Variants in MEI4 observed in about 807,000 individuals in gnomAD.
The protein encoded by MEI4 is meiotic double-stranded break formation protein 4.
In MEI4, 27 loss-of-function variants were observed where a neutral mutation model predicts 31.4. The ratio of observed to expected loss-of-function variants is 0.86; its 90% CI spans 0.63 to 1.19. MEI4 has a LOEUF of 1.19. Among genes scored for constraint, MEI4 ranks in the 50% most tolerant of loss-of-function variants. MEI4 has a pLI of 0.00. For missense variants in MEI4, 329 were observed against 398.9 expected (o/e 0.82, Z 1.49); for synonymous variants, 122 against 145.4 (o/e 0.84, Z 1.16).
intron 2 of MEI4, among the ~76,000 whole-genome samples, chr6:77,697,632 C>G (rs1230862359): frequency 4.6e-5 from 7 of 152,026 alleles, no homozygotes; most frequent in Non-Finnish European, 1.0e-4. Flanking sequence ...GTCTGAAAGA[C>G]AGTTTGTTAT....
chr6:77,668,358 A>G (rs1373213782), intron 1 of MEI4, among the ~76,000 whole-genome samples: 2 of 152,152 alleles, frequency 1.3e-5, no homozygotes, highest in Non-Finnish European at 2.9e-5. Flanking sequence ...GGAATTTCTA[A>G]GAGCTGATTG....
At chr6:77,677,934 T>C (rs540303259) in intron 1 of MEI4, among the ~76,000 whole-genome samples, 1 of 152,356 alleles carries the variant, frequency 6.6e-6, no homozygotes, top group East Asian at 1.9e-4. Context: ...AGTTTTCTTA[T>C]AGTAACTGAA....
At chr6:77,812,994 G>T (rs969437549) in intron 3 of MEI4, among the ~76,000 whole-genome samples, 2 of 152,014 alleles carry the variant, frequency 1.3e-5, no homozygotes, top group African/African-American at 4.8e-5. Flanking sequence ...GAAAGAATTT[G>T]TGACATTATA....
At chr6:77,890,960 C>T (rs7763891) in intron 4 of MEI4, among the ~76,000 whole-genome samples, 23 of 152,302 alleles carry the variant, frequency 1.5e-4, no homozygotes, top group South Asian at 6.2e-4. Flanking sequence ...GCCTGCAGAA[C>T]GGTGAGTCAA....
In MEI4 at chr6:77,786,425, T is replaced by C. The variant is rs147383172; in HGVS notation, c.768+24760T>C. ...GGAATCTAAGTGGGGATCATGTATG[T>C]CAAGAAAAACTAACATTGCTACAAG... On this transcript the variant is annotated intron_variant, in intron 3 of 4. Coordinates refer to ENST00000684080, the MANE Select transcript of MEI4 (RefSeq NM_001322247.2). Among the ~76,000 whole-genome samples, 213 of 152,246 alleles carry C rather than the reference T, an allele frequency of 1.4e-3. 1 individual carries two copies. The highest frequency in any genetic ancestry group is 4.5e-3 in the African/African-American group (187 of 41,570).
chr6:77,710,939 C>A (rs1766450449), intron 2 of MEI4, among the ~76,000 whole-genome samples: 1 of 152,186 alleles, frequency 6.6e-6, no homozygotes. Flanking sequence ...TAATTTTAAT[C>A]TTTTTATTTT....
intron 2 of MEI4, among the ~76,000 whole-genome samples, chr6:77,698,900 T>C (rs1766129186): frequency 6.6e-6 from 1 of 152,202 alleles, no homozygotes; most frequent in South Asian, 2.1e-4. Context: ...CACTTTCAGG[T>C]ACACCAATCA....
In MEI4 at chr6:77,659,785, G is replaced by A. The variant is rs564031935; in HGVS notation, c.-15+6693G>A. ...GGCTCCAATTGTTTCAGTGATGTGT[G>A]TAGTTGGGCTTCGGAGATGAAGAGT... On this transcript the variant is annotated intron_variant, in intron 1 of 4. Coordinates refer to ENST00000684080, the MANE Select transcript of MEI4 (RefSeq NM_001322247.2). 6.6e-5 allele frequency among the ~76,000 whole-genome samples: 10 copies of A among 152,308 alleles called. No individual in the cohort carries two copies. In the South Asian group the frequency reaches 1.2e-3, roughly 19 times the overall value.
chr6:77,902,575 T>C (rs1192175560), intron 4 of MEI4, among the ~76,000 whole-genome samples: 1 of 152,060 alleles, frequency 6.6e-6, no homozygotes, highest in Non-Finnish European at 1.5e-5. Flanking sequence ...AAAGGAAAAT[T>C]AATCTTGGGG....
chr6:77,748,883 A>G (rs2127676792), intron 2 of MEI4, among the ~76,000 whole-genome samples: 1 of 152,302 alleles, frequency 6.6e-6, no homozygotes, highest in Admixed American at 6.5e-5. Context: ...TCTGGCTAGC[A>G]TCTGGCAGAT....
intron 4 of MEI4, among the ~76,000 whole-genome samples, chr6:77,845,579 T>C (rs1340554231): frequency 6.6e-6 from 1 of 152,190 alleles, no homozygotes; most frequent in African/African-American, 2.4e-5. Context: ...GTTATTTGTT[T>C]AGCAACACTA....
chr6:77,700,771 A>C (rs1766198897), intron 2 of MEI4, among the ~76,000 whole-genome samples: 1 of 152,118 alleles, frequency 6.6e-6, no homozygotes, highest in Non-Finnish European at 1.5e-5. Context: ...CATTTCAGGA[A>C]CTCTGCTATT....
In MEI4 at chr6:77,828,959, G is replaced by A; in HGVS notation, c.797G>A (p.Ser266Asn). Reference sequence around the variant, plus strand: ...CAGGTGCAGCATTATGTCTCTCAGAGTCTGGTTACCTTGGGAAATTGCAGC... The same window carrying A: ...CAGGTGCAGCATTATGTCTCTCAGAATCTGGTTACCTTGGGAAATTGCAGC... Reference protein sequence around the residue: ...QFQVQHYVSQSLVTLGNCSLL... With the variant: ...QFQVQHYVSQNLVTLGNCSLL... The change falls in exon 4 of 5, where the codon AGT becomes AAT. Residue 266 changes from serine (S) to asparagine (N), a missense_variant. By Grantham distance (46) the Ser-to-Asn change is conservative. Transcript: ENST00000684080. 3.2e-6 allele frequency: 4 copies of A among 1,232,242 alleles called. No individual in the cohort carries two copies. The highest frequency in any genetic ancestry group is 4.0e-6 in the Non-Finnish European group (4 of 987,908). The allele number at this position is 1,232,242 out of a possible 1,614,324, so 76.3% of individuals were successfully genotyped here.
chr6:77,778,687 G>A (rs1032060585), intron 3 of MEI4, among the ~76,000 whole-genome samples: 1 of 151,266 alleles, frequency 6.6e-6, no homozygotes, highest in African/African-American at 2.4e-5. Context: ...GTGACAGAGC[G>A]AGACCTGAGA....
At chr6:77,822,395 G>A (rs879875933) in intron 3 of MEI4, among the ~76,000 whole-genome samples, 1 of 151,886 alleles carries the variant, frequency 6.6e-6, no homozygotes, top group Admixed American at 6.6e-5. Context: ...TTATGGTAAG[G>A]GTTTATCATG....
intron 4 of MEI4, among the ~76,000 whole-genome samples, chr6:77,901,688 C>T (rs1432010015): frequency 6.6e-6 from 1 of 151,890 alleles, no homozygotes; most frequent in Non-Finnish European, 1.5e-5. Context: ...TTTATTGTTT[C>T]CTTGGCTGTT....
At chr6:77,731,805 A>G (rs1767001981) in intron 2 of MEI4, among the ~76,000 whole-genome samples, 1 of 151,976 alleles carries the variant, frequency 6.6e-6, no homozygotes, top group South Asian at 2.1e-4. Context: ...TAATTTTTGT[A>G]TAAGGTGTAA....
chr6:77,809,959 A>T (rs1769536026), intron 3 of MEI4, among the ~76,000 whole-genome samples: 1 of 152,180 alleles, frequency 6.6e-6, no homozygotes, highest in Non-Finnish European at 1.5e-5. Flanking sequence ...TTTACAGTCT[A>T]TGCTATGAAA....
chr6:77,913,745 T>A (rs1383241943), intron 4 of MEI4, among the ~76,000 whole-genome samples: 1 of 151,586 alleles, frequency 6.6e-6, no homozygotes, highest in African/African-American at 2.4e-5. Context: ...TAGAAAAACT[T>A]TTGTTGAGCC....
Sources: allele counts gnomAD v4.1 joint callset (sites outside exome capture counted in the v4.1 genomes callset), GRCh38; gene constraint gnomAD v4.1.1; transcripts MANE v1.5; gene names NCBI Gene and HGNC (gene_info 2026-07-23, HGNC 2026-07-21).